Variants in RNF4 observed in about 807,000 individuals in gnomAD.
RNF4 encodes the protein ring finger protein 4.
A neutral mutation model predicts 24.3 loss-of-function variants in RNF4; 7 were observed. That is an observed-to-expected ratio of 0.29 (90% CI 0.16 to 0.54). The LOEUF is 0.54. RNF4 is among the 20% of genes least tolerant of loss of function. The probability of loss-of-function intolerance (pLI) is 0.95; values close to 1 mark genes in which losing one functional copy is unlikely to be tolerated. For synonymous variants in RNF4, 83 were observed against 84.3 expected (o/e 0.98, Z 0.09); for missense variants, 209 against 248.5 (o/e 0.84, Z 1.07).
chr4:2,498,635 T>A (rs1262739458), intron 3 of RNF4, among the ~76,000 whole-genome samples: 2 of 152,220 alleles, frequency 1.3e-5, no homozygotes, highest in African/African-American at 4.8e-5. Flanking sequence ...ATTGTATATG[T>A]AAGATTATCA....
At chr4:2,499,280 TTTG>T (rs774440232) in intron 3 of RNF4, 116 of 451,734 alleles carry the variant, frequency 2.6e-4, no homozygotes, top group African/African-American at 1.5e-3. Context: ...CATTTAGTGT[TTTG>T]TTGTTGTTGT....
chr4:2,487,663 C>T (rs1344937804), intron 1 of RNF4, among the ~76,000 whole-genome samples: 1 of 152,138 alleles, frequency 6.6e-6, no homozygotes, highest in Non-Finnish European at 1.5e-5. Flanking sequence ...CTCAAGAGAT[C>T]CTCCCTCTTC....
rs1736318535 is a variant in RNF4 at position 2,513,212 on chromosome 4, C to G, written c.423+81C>G. 12 of 1,373,546 alleles carry G rather than the reference C, an allele frequency of 8.7e-6. No individual in the cohort carries two copies. In the East Asian group the frequency reaches 2.7e-4, roughly 31 times the overall value. The allele number at this position is 1,373,546 out of a possible 1,614,324, so 85.1% of individuals were successfully genotyped here. ...AATTGGATGAGACAGGATCTTCCCC[C>G]TCGGTGGGATTGGACACCCCTACTC... On this transcript the variant is annotated intron_variant, in intron 7 of 7. Transcript: ENST00000314289.
intron 1 of RNF4, among the ~76,000 whole-genome samples, chr4:2,488,939 T>C (rs537439202): frequency 1.9e-4 from 29 of 152,148 alleles, no homozygotes; most frequent in Non-Finnish European, 4.0e-4. Context: ...GCCTCCCAAG[T>C]AGCTGGAATT....
intron 7 of RNF4, among the ~76,000 whole-genome samples, 161 bp from the exon 8 acceptor site, chr4:2,513,509 A>G (rs1736327447): frequency 6.6e-6 from 1 of 152,192 alleles, no homozygotes; most frequent in African/African-American, 2.4e-5. Flanking sequence ...GAGAGAGACC[A>G]CAGCAGACAC....
At chr4:2,506,662 G>A (rs746883262) in intron 4 of RNF4, among the ~76,000 whole-genome samples, 1 of 151,582 alleles carries the variant, frequency 6.6e-6, no homozygotes, top group Non-Finnish European at 1.5e-5. Context: ...GTACCTTCTG[G>A]GCTCAATTGA....
chr4:2,501,215 C>T (rs932983061), intron 4 of RNF4, among the ~76,000 whole-genome samples: 6 of 152,242 alleles, frequency 3.9e-5, no homozygotes, highest in African/African-American at 9.7e-5. Flanking sequence ...ACAACAGATG[C>T]CGTGTTTGAG....
At chr4:2,492,481 A>G (rs1735612323) in intron 2 of RNF4, among the ~76,000 whole-genome samples, 2 of 152,344 alleles carry the variant, frequency 1.3e-5, no homozygotes, top group Middle Eastern at 3.4e-3. Flanking sequence ...GTTTGTTCAA[A>G]TGATCTAAAC....
At chr4:2,472,119 T>A (rs1034856942) in intron 1 of RNF4, among the ~76,000 whole-genome samples, 14 of 152,194 alleles carry the variant, frequency 9.2e-5, no homozygotes, top group African/African-American at 2.4e-4. Flanking sequence ...TGTTAGGGGC[T>A]AGTGTGGCCA....
At chr4:2,499,196 C>CA (rs909536537) in intron 3 of RNF4, 14,537 of 288,246 alleles carry the variant, frequency 0.05, no homozygotes, top group South Asian at 0.084. Flanking sequence ...GACTCTGTCT[C>CA]AAAAAAAAAA....
intron 2 of RNF4, among the ~76,000 whole-genome samples, chr4:2,496,710 C>A (rs1041886878): frequency 1.3e-5 from 2 of 152,168 alleles, no homozygotes; most frequent in Non-Finnish European, 2.9e-5. Context: ...TCGCCCACCT[C>A]AGCCTCCGAA....
chr4:2,511,837 T>C, intron 4 of RNF4, 119 bp from the exon 5 acceptor site: 1 of 1,016,872 alleles, frequency 9.8e-7, no homozygotes, highest in Admixed American at 2.1e-5. Context: ...GGGCCTCTGC[T>C]GCTCACCAGA....
chr4:2,512,419 A>G lies in RNF4; in HGVS notation c.215-19A>G, dbSNP rs1226371993. Reference sequence around the variant, plus strand: ...AGAGTAGAGAGCCTCCAACCTGAAAATGTGACCTCTTACCTTAGAAAGAAG... The same window carrying G: ...AGAGTAGAGAGCCTCCAACCTGAAAGTGTGACCTCTTACCTTAGAAAGAAG... On this transcript the variant is annotated intron_variant, in intron 5 of 7. Coordinates refer to ENST00000314289, the MANE Select transcript of RNF4 (RefSeq NM_002938.5). This position sits in a 1 kb window ranked among gnomAD's most constrained non-coding sequence, Gnocchi z 4.1. 17 of 1,597,150 alleles carry G rather than the reference A, an allele frequency of 1.1e-5. No individual in the cohort carries two copies. The highest frequency in any genetic ancestry group is 1.2e-5 in the Non-Finnish European group (14 of 1,171,934).
chr4:2,510,461 G>T (rs1248155246), intron 4 of RNF4, among the ~76,000 whole-genome samples: 1 of 152,198 alleles, frequency 6.6e-6, no homozygotes, highest in Admixed American at 6.5e-5. Flanking sequence ...AGAGGCCTGG[G>T]CTCAAGACAT....
intron 1 of RNF4, chr4:2,471,218 C>T (rs4974696): frequency 0.66 from 100,185 of 152,090 alleles, 33,617 homozygotes; most frequent in African/African-American, 0.78. Context: ...CCGCCTGCCT[C>T]GGCCTCCCAA....
At chr4:2,491,898 C>T (rs1440751632) in intron 2 of RNF4, among the ~76,000 whole-genome samples, 2 of 150,522 alleles carry the variant, frequency 1.3e-5, no homozygotes, top group African/African-American at 4.9e-5. Flanking sequence ...CGCACCTGGC[C>T]AATTTTTAAG....
At position 2,476,720 on chromosome 4, in the gene RNF4, T is replaced by TA. The variant is rs1172220574; in HGVS notation, c.-158+7464dup. Among the ~76,000 whole-genome samples, 14 of 150,468 alleles carry TA rather than the reference T, an allele frequency of 9.3e-5. No homozygotes were observed. In the East Asian group the frequency reaches 9.8e-4, roughly 11 times the overall value. On this transcript the variant is annotated intron_variant, in intron 1 of 7. Transcript: ENST00000314289. ...TCTTTCTTTCTTTTTTTTTTTTTTTTAATTTAAGAGAAGGTTGTCTTCCTA... is the reference window on the plus strand; with the variant it reads ...TCTTTCTTTCTTTTTTTTTTTTTTTTAAATTTAAGAGAAGGTTGTCTTCCTA...
intron 1 of RNF4, among the ~76,000 whole-genome samples, chr4:2,478,280 C>T (rs1443442837): frequency 6.6e-6 from 1 of 152,188 alleles, no homozygotes; most frequent in Non-Finnish European, 1.5e-5. Flanking sequence ...AAATTTGCAG[C>T]CTCCTGTCAA....
chr4:2,506,469 AC>A (rs1736103549), intron 4 of RNF4, among the ~76,000 whole-genome samples: 1 of 150,912 alleles, frequency 6.6e-6, no homozygotes, highest in African/African-American at 2.4e-5. Context: ...GACGTGAGCC[AC>A]CATGTCCGGC....
Sources: allele counts gnomAD v4.1 joint callset (sites outside exome capture counted in the v4.1 genomes callset), GRCh38; gene constraint gnomAD v4.1.1; non-coding constraint Gnocchi (gnomAD v3.1); transcripts MANE v1.5; gene names NCBI Gene and HGNC (gene_info 2026-07-23, HGNC 2026-07-21).